Variants in HOXA10 observed in about 807,000 individuals in gnomAD.
The protein encoded by HOXA10 is homeobox protein Hox-A10.
In HOXA10, 12 loss-of-function variants were observed where a neutral mutation model predicts 29.7. The observed-to-expected ratio is 0.40, with a 90% CI of 0.26 to 0.65. The LOEUF is 0.65. Ranked by LOEUF, HOXA10 falls within the 30% of genes least tolerant of loss-of-function variation. The pLI is 0.37. For missense variants in HOXA10, 656 were observed against 585.9 expected (o/e 1.12, Z -1.24); for synonymous variants, 327 against 280.7 (o/e 1.16, Z -1.65).
rs1402258294 is a variant in HOXA10 at position 27,174,115 on chromosome 7, G to A, written c.192C>T (p.Tyr64=). ...GGGYYAHGGV[Y]LPPAADLPYG... ...AGGGCAGGTCGGCGGCGGGCGGCAGGTAGACCCCGCCGTGGGCGTAGTAAC... is the reference window on the plus strand; with the variant it reads ...AGGGCAGGTCGGCGGCGGGCGGCAGATAGACCCCGCCGTGGGCGTAGTAAC... The change falls in exon 1 of 2, where the codon TAC becomes TAT. Residue 64 remains tyrosine, a synonymous_variant. Transcript: ENST00000283921. 4 of 1,583,052 alleles carry A rather than the reference G, an allele frequency of 2.5e-6. No individual in the cohort carries two copies. In the African/African-American group the frequency reaches 4.0e-5, roughly 16 times the overall value.
chr7:27,171,423 C>T lies in HOXA10; in HGVS notation c.*476G>A, dbSNP rs143844631. 1.1e-3 allele frequency: 503 copies of T among 455,634 alleles called. 1 individual carries two copies. Among genetic ancestry groups the T allele is most frequent in the Admixed American group, 3.2e-3 (137 of 42,590 alleles). 28.2% of individuals were successfully genotyped at this position (455,634 alleles called of 1,614,324 possible). On this transcript the variant is annotated 3_prime_UTR_variant, in exon 2 of 2. Transcript: ENST00000283921. ...CAGGGGCCTGTATCCCCTGATTAAA[C>T]ACAGCACAGCACTCCAGGCAGACAT...
chr7:27,171,521 TC>T lies in HOXA10; in HGVS notation c.*377del. The stretch of plus-strand genomic sequence containing the variant: ...AGCGCCAACAATGGGACCTCGGCCT[TC>T]CGGCTAGGTTTGCCCCAGGCTGGGC... On this transcript the variant is annotated 3_prime_UTR_variant, in exon 2 of 2. Coordinates refer to ENST00000283921, the MANE Select transcript of HOXA10 (RefSeq NM_018951.4). 1 of 469,372 alleles carries T rather than the reference TC, an allele frequency of 2.1e-6. No homozygotes were observed. The highest frequency in any genetic ancestry group is 4.2e-6 in the Non-Finnish European group (1 of 237,110). 29.1% of individuals were successfully genotyped at this position (469,372 alleles called of 1,614,324 possible).
chr7:27,172,361 C>G (rs1783520360), intron 1 of HOXA10, 188 bp from the exon 2 acceptor site: 1 of 627,938 alleles, frequency 1.6e-6, no homozygotes, highest in African/African-American at 1.8e-5. Context: ...ATTGAGTGGG[C>G]CTTCAATCTA....
chr7:27,174,422 C>A, upstream of HOXA10: 1 of 1,514,496 alleles, frequency 6.6e-7, no homozygotes, highest in South Asian at 1.2e-5. Context: ...GTTTCGTAGG[C>A]GCGGGGCCGC....
chr7:27,173,441 T>C lies in HOXA10; in HGVS notation c.866A>G (p.Asp289Gly). The C allele has an allele frequency of 6.4e-7, 1 of 1,562,142 alleles. No homozygotes were observed. Among genetic ancestry groups the C allele is most frequent in the Non-Finnish European group, 8.6e-7 (1 of 1,156,972 alleles). Residue 289 changes from aspartate (D) to glycine (G), a missense_variant, in exon 1 of 2, where the codon GAC becomes GGC. Physicochemically the swap from Asp to Gly is moderately conservative, Grantham distance 94. Coordinates refer to ENST00000283921, the MANE Select transcript of HOXA10 (RefSeq NM_018951.4). Reference sequence around the variant, plus strand: ...CGAGGACGACGCGTGCGCCTCCTCGTCGCCCTGCGAGCCCCCGCCGCTGCC... The same window carrying C: ...CGAGGACGACGCGTGCGCCTCCTCGCCGCCCTGCGAGCCCCCGCCGCTGCC... ...ACGSGGGSQG[D>G]EEAHASSSAA... is the part of the protein sequence containing the mutation.
intron 1 of HOXA10, 96 bp from the exon 2 acceptor site, chr7:27,172,269 G>T: frequency 7.8e-7 from 1 of 1,274,458 alleles, no homozygotes; most frequent in Non-Finnish European, 1.1e-6. Flanking sequence ...TAAGAGAGAT[G>T]TCCCAAGTCA....
In HOXA10 at chr7:27,173,948, T is replaced by C. The variant is rs1294329086; in HGVS notation, c.359A>G (p.Asp120Gly). Residue 120 changes from aspartate (D) to glycine (G), a missense_variant, in exon 1 of 2, where the codon GAC becomes GGC. By Grantham distance (94) the Asp-to-Gly change is moderately conservative (BLOSUM62 -1). Around this residue, in one of 2 missense-constraint regions of HOXA10, gnomAD observed 594 missense variants for 491.9 expected, o/e 1.21. Transcript: ENST00000283921. ...YGPSPIDLWL[D>G]APRSCRMEPP... ...CTCCATCCGGCAAGACCGGGGCGCG[T>C]CTAGCCACAGGTCTATGGGCGAGGG... The C allele has an allele frequency of 6.6e-7, 1 of 1,525,138 alleles. No individual in the cohort carries two copies. The highest frequency in any genetic ancestry group is 1.4e-5 in the African/African-American group (1 of 69,954). The allele number at this position is 1,525,138 out of a possible 1,614,324, so 94.5% of individuals were successfully genotyped here.
chr7:27,170,811 T>C lies in HOXA10; in HGVS notation c.*1088A>G, dbSNP rs79213620. 2.3e-6 allele frequency: 1 copy of C among 430,600 alleles called. No individual in the cohort carries two copies. Among genetic ancestry groups the C allele is most frequent in the Non-Finnish European group, 4.6e-6 (1 of 219,676 alleles). 26.7% of individuals were successfully genotyped at this position (430,600 alleles called of 1,614,324 possible). A position where few individuals can be genotyped will look rare whatever the true frequency, so the allele number is the denominator to read the frequency against. ...CATTTATACAGATTTGTATTTATAG[T>C]TTTTTTCTTTTTCTGCATCTACAGG... On this transcript the variant is annotated 3_prime_UTR_variant, in exon 2 of 2. Coordinates refer to ENST00000283921, the MANE Select transcript of HOXA10 (RefSeq NM_018951.4).
chr7:27,174,645 G>C (rs1783615742), upstream of HOXA10: 1 of 372,618 alleles, frequency 2.7e-6, no homozygotes, highest in Non-Finnish European at 4.9e-6. Context: ...CTTGGGCCCC[G>C]CGCAGTTAAC....
rs1313550461 is a variant in HOXA10 at position 27,173,389 on chromosome 7, A to G, written c.918T>C (p.Pro306=). The change falls in exon 1 of 2, where the codon CCT becomes CCC. Residue 306 remains proline (P), a synonymous_variant. Coordinates refer to ENST00000283921, the MANE Select transcript of HOXA10 (RefSeq NM_018951.4). ...CCGGCGAGGCTTTGCTGCTCTCGGA[A>G]GGGGCCGGGGAGAGCTCCTCCGCGG... ...SSAAEELSPA[P]SESSKASPEK... 14 of 1,611,346 alleles carry G rather than the reference A, an allele frequency of 8.7e-6. No homozygotes were observed. Among genetic ancestry groups the G allele is most frequent in the Non-Finnish European group, 1.2e-5 (14 of 1,179,704 alleles).
chr7:27,174,983 T>A (rs1317124820), upstream of HOXA10: 3 of 152,480 alleles, frequency 2.0e-5, no homozygotes, highest in Admixed American at 2.0e-4. Flanking sequence ...CCCCCAACAC[T>A]TTTCTCCCCT....
rs779907501 is a variant in HOXA10, at chr7:27,171,861, G to C, written c.*38C>G. The C allele has an allele frequency of 4.3e-6, 7 of 1,611,304 alleles. No individual in the cohort carries two copies. The African/African-American group carries it at 5.3e-5, about 12-fold the overall frequency. On this transcript the variant is annotated 3_prime_UTR_variant, in exon 2 of 2. Transcript: ENST00000283921. ...CTGAAGACAGAGGGAGGGGACCAGC[G>C]CTCGGGAAGTGAAAAAACCGCGTCG...
chr7:27,173,059 G>C, intron 1 of HOXA10: 1 of 497,730 alleles, frequency 2.0e-6, no homozygotes, highest in Non-Finnish European at 3.6e-6. Context: ...GGTCCTCCCG[G>C]CCACAGGAAA....
In HOXA10 at chr7:27,173,865, G is replaced by A. The variant is rs1187617002; in HGVS notation, c.442C>T (p.Pro148Ser). ...GAGGTGGCCTGCGGCGCTGGCTGGG[G>A]TGGTTGCGGCGGGGGCGGCGGCTGC... ...QQQPPPPPQPPQPAPQATSCS... is the reference protein window; with the variant it reads ...QQQPPPPPQPSQPAPQATSCS... The change falls in exon 1 of 2, where the codon CCC becomes TCC. Residue 148 changes from proline to serine, a missense_variant. Coordinates refer to ENST00000283921, the MANE Select transcript of HOXA10 (RefSeq NM_018951.4). The A allele has an allele frequency of 1.9e-6, 3 of 1,599,102 alleles. No individual in the cohort carries two copies. The South Asian group carries it at 3.4e-5, about 18-fold the overall frequency.
chr7:27,175,564 T>G (rs1783639595), upstream of HOXA10, among the ~76,000 whole-genome samples: 1 of 152,190 alleles, frequency 6.6e-6, no homozygotes, highest in African/African-American at 2.4e-5. Flanking sequence ...CTCAGCAGGC[T>G]CAGGGGCTCT....
In HOXA10 at chr7:27,171,359, T is replaced by C. The variant is rs541876384; in HGVS notation, c.*540A>G. Reference sequence around the variant, plus strand: ...GCATGTCCATGCCTGTAAGCCCTTCTCTTGGCCAAGGAAGAAAGGAAGAAA... The same window carrying C: ...GCATGTCCATGCCTGTAAGCCCTTCCCTTGGCCAAGGAAGAAAGGAAGAAA... On this transcript the variant is annotated 3_prime_UTR_variant, in exon 2 of 2. Transcript: ENST00000283921. 4 of 454,298 alleles carry C rather than the reference T, an allele frequency of 8.8e-6. No homozygotes were observed. The highest frequency in any genetic ancestry group is 2.3e-5 in the Admixed American group (1 of 42,558). The allele number at this position is 454,298 out of a possible 1,614,324, so 28.1% of individuals were successfully genotyped here.
chr7:27,179,091 G>C (rs1489348255), upstream of HOXA10, among the ~76,000 whole-genome samples: 1 of 152,236 alleles, frequency 6.6e-6, no homozygotes, highest in Non-Finnish European at 1.5e-5. Flanking sequence ...ACAGAGACTT[G>C]TCTGGCACTC....
At chr7:27,172,470 T>A (rs1176546227) in intron 1 of HOXA10, 1 of 487,018 alleles carries the variant, frequency 2.1e-6, no homozygotes, top group East Asian at 4.0e-5. Flanking sequence ...GAGGGCAGGC[T>A]GTACATCTTG....
At chr7:27,178,362 T>C (rs1783690715), upstream of HOXA10, among the ~76,000 whole-genome samples, 1 of 152,268 alleles carries the variant, frequency 6.6e-6, no homozygotes, top group South Asian at 2.1e-4. Flanking sequence ...TTTTCAGGGA[T>C]ATTTGATGTG....
Sources: gnomAD v4.1 joint callset for allele counts (sites outside exome capture counted in the v4.1 genomes callset) on GRCh38, gnomAD v4.1.1 for gene constraint, gnomAD v4.1.1 regional missense constraint, MANE v1.5 for transcripts, NCBI Gene and HGNC (gene_info 2026-07-23, HGNC 2026-07-21) for gene names.